The following ADAM12 variants were observed in gnomAD, a reference collection of about 807,000 sequenced individuals.
ADAM12 encodes disintegrin and metalloproteinase domain-containing protein 12.
A neutral mutation model predicts 106.4 loss-of-function variants in ADAM12; 70 were observed. The observed-to-expected ratio is 0.66, with a 90% CI of 0.54 to 0.80. ADAM12 has a LOEUF of 0.80. Among genes scored for constraint, ADAM12 ranks in the 30% least tolerant of loss-of-function variants. The pLI is 0.00. For missense variants in ADAM12, 1,010 were observed against 1,171.9 expected (o/e 0.86, Z 2.02); for synonymous variants, 420 against 433.5 (o/e 0.97, Z 0.39).
In ADAM12 at chr10:126,126,026, C is replaced by T. The variant is rs140039314; in HGVS notation, c.417-7802G>A. Among the ~76,000 whole-genome samples the T allele has an allele frequency of 7.1e-3, 1,082 of 152,234 alleles. 13 individuals carry two copies. Among genetic ancestry groups the T allele is most frequent in the African/African-American group, 0.024 (1,002 of 41,546 alleles). ...ACCCTGCTGACCCCTTGATTTCAGA[C>T]TTCTGGCCTGAAAAGCAGTGAGAGA... On this transcript the variant is annotated intron_variant, in intron 5 of 22. Transcript: ENST00000448723.
intron 14 of ADAM12, among the ~76,000 whole-genome samples, chr10:126,058,299 T>C (rs907971711): frequency 1.3e-5 from 2 of 152,216 alleles, no homozygotes; most frequent in African/African-American, 2.4e-5. Flanking sequence ...GAAAAGCCAT[T>C]TGGGGAAAGC....
chr10:126,160,494 T>C (rs565715261), intron 3 of ADAM12, among the ~76,000 whole-genome samples: 7 of 152,254 alleles, frequency 4.6e-5, no homozygotes, highest in Non-Finnish European at 1.0e-4. Flanking sequence ...GAATGAGAGA[T>C]GGAGAGAAGC....
At chr10:126,173,094 T>C (rs973732460) in intron 3 of ADAM12, among the ~76,000 whole-genome samples, 1 of 152,028 alleles carries the variant, frequency 6.6e-6, no homozygotes, top group Admixed American at 6.5e-5. Context: ...CATCACACAC[T>C]GGGGCCTGTC....
intron 4 of ADAM12, among the ~76,000 whole-genome samples, chr10:126,143,451 CAT>C (rs1179037098): frequency 7.1e-6 from 1 of 140,844 alleles, no homozygotes; most frequent in Non-Finnish European, 1.5e-5. Context: ...ATATGGTGTG[CAT>C]GTGTGTGTAT....
intron 1 of ADAM12, among the ~76,000 whole-genome samples, chr10:126,341,614 T>A (rs1854934777): frequency 6.6e-6 from 1 of 152,216 alleles, no homozygotes; most frequent in African/African-American, 2.4e-5. Flanking sequence ...TTTTGTTCAT[T>A]ATCTACCCAG....
At chr10:126,095,533 CAAAAAAAAA>C (rs11396229) in intron 10 of ADAM12, among the ~76,000 whole-genome samples, 1 of 46,576 alleles carries the variant, frequency 2.1e-5, no homozygotes, top group Non-Finnish European at 3.4e-5. Flanking sequence ...GACTCTGTCT[CAAAAAAAAA>C]AAAAAAAAAA....
At chr10:126,260,058 G>A (rs1335890902) in intron 3 of ADAM12, among the ~76,000 whole-genome samples, 1 of 152,204 alleles carries the variant, frequency 6.6e-6, no homozygotes, top group Non-Finnish European at 1.5e-5. Flanking sequence ...ACCACCTCAA[G>A]TGACACCTGG....
intron 3 of ADAM12, among the ~76,000 whole-genome samples, chr10:126,224,865 G>A (rs146578540): frequency 6.6e-6 from 1 of 152,372 alleles, no homozygotes; most frequent in Non-Finnish European, 1.5e-5. Context: ...CCAGGCAGGT[G>A]CTGCAGCAGG....
At chr10:126,124,450 T>C (rs1279169273) in intron 5 of ADAM12, among the ~76,000 whole-genome samples, 1 of 152,152 alleles carries the variant, frequency 6.6e-6, no homozygotes, top group African/African-American at 2.4e-5. Flanking sequence ...ACAAATATTC[T>C]TTATCCTTTT....
chr10:126,040,076 T>C (rs527236788), intron 18 of ADAM12, among the ~76,000 whole-genome samples: 1 of 152,278 alleles, frequency 6.6e-6, no homozygotes, highest in African/African-American at 2.4e-5. Flanking sequence ...GAAAACATCT[T>C]CTTTTCTATG....
At chr10:126,148,763 T>C (rs186870125) in intron 4 of ADAM12, among the ~76,000 whole-genome samples, 170 of 152,276 alleles carry the variant, frequency 1.1e-3, no homozygotes, top group Non-Finnish European at 1.9e-3. Context: ...GCTTCTGGTA[T>C]ATTCTGGAGA....
chr10:126,200,276 G>T (rs1317737106), intron 3 of ADAM12, among the ~76,000 whole-genome samples: 1 of 152,098 alleles, frequency 6.6e-6, no homozygotes, highest in African/African-American at 2.4e-5. Context: ...TAACTCAATG[G>T]TTTTTGTCTT....
chr10:126,262,429 C>CTCTGCAAA (rs1399939389), intron 3 of ADAM12, among the ~76,000 whole-genome samples: 1 of 152,112 alleles, frequency 6.6e-6, no homozygotes, highest in Non-Finnish European at 1.5e-5. Context: ...TGACAATGTC[C>CTCTGCAAA]TCTGCAAATC....
chr10:126,324,413 G>A (rs918115267), intron 2 of ADAM12, among the ~76,000 whole-genome samples: 1 of 152,212 alleles, frequency 6.6e-6, no homozygotes, highest in African/African-American at 2.4e-5. Flanking sequence ...AGATGTAGGG[G>A]TGGGGGCTCT....
At chr10:126,205,221 A>T (rs10794066) in intron 3 of ADAM12, among the ~76,000 whole-genome samples, 1 of 151,900 alleles carries the variant, frequency 6.6e-6, no homozygotes. Context: ...ACCTGAAGCA[A>T]GTTGTACCTT....
rs573674969 is a variant in ADAM12 at position 126,128,668 on chromosome 10, C to T, written c.416+6916G>A. On this transcript the variant is annotated intron_variant, in intron 5 of 22. Coordinates refer to ENST00000448723, the MANE Select transcript of ADAM12 (RefSeq NM_001288973.2). ...GCATGTGGGAATGTGTGCAAGTGGGCGCCTGTGCGAGTGTGTGGTGTGTGT... is the reference window on the plus strand; with the variant it reads ...GCATGTGGGAATGTGTGCAAGTGGGTGCCTGTGCGAGTGTGTGGTGTGTGT... 6.2e-5 allele frequency among the ~76,000 whole-genome samples: 8 copies of T among 129,106 alleles called. No homozygotes were observed. The South Asian group carries it at 1.0e-3, about 16-fold the overall frequency. 84.7% of individuals were successfully genotyped at this position (129,106 alleles called of 152,430 possible).
At chr10:126,273,750 C>T (rs186146293) in intron 3 of ADAM12, among the ~76,000 whole-genome samples, 218 of 152,170 alleles carry the variant, frequency 1.4e-3, no homozygotes, top group African/African-American at 5.1e-3. Context: ...TAATATAATT[C>T]GGTAAAATAA....
chr10:126,216,624 C>T (rs192697401), intron 3 of ADAM12, among the ~76,000 whole-genome samples: 1 of 152,346 alleles, frequency 6.6e-6, no homozygotes, highest in Admixed American at 6.5e-5. Context: ...ATGTGAAACG[C>T]ATCACACTGC....
chr10:126,220,308 G>A lies in ADAM12; in HGVS notation c.260+58607C>T, dbSNP rs117417846. 9.8e-3 allele frequency among the ~76,000 whole-genome samples: 1,494 copies of A among 152,314 alleles called. 22 individuals are homozygous for A. The highest frequency in any genetic ancestry group is 0.012 in the Non-Finnish European group (829 of 68,022). On this transcript the variant is annotated intron_variant, in intron 3 of 22. Transcript: ENST00000448723. ...CCACACAGCACTTTCTGAAGTAGGT[G>A]CTGATACTACAGTCCTGTGTATAGC...
Sources: allele counts gnomAD v4.1 joint callset (sites outside exome capture counted in the v4.1 genomes callset), GRCh38; gene constraint gnomAD v4.1.1; transcripts MANE v1.5; gene names NCBI Gene and HGNC (gene_info 2026-07-23, HGNC 2026-07-21).